The following MAGI3 variants were observed in gnomAD, a reference collection of about 807,000 sequenced individuals.
The protein encoded by MAGI3 is membrane associated guanylate kinase, WW and PDZ domain containing 3, also known as membrane-associated guanylate kinase, WW and PDZ domain-containing protein 3.
A neutral mutation model predicts 121.8 loss-of-function variants in MAGI3; 43 were observed. The ratio of observed to expected loss-of-function variants is 0.35; its 90% CI spans 0.28 to 0.46. The LOEUF (loss-of-function observed/expected upper bound fraction) is 0.46. MAGI3 is among the 20% of genes least tolerant of loss of function. MAGI3 has a pLI of 1.00. For synonymous variants in MAGI3, 553 were observed against 639.3 expected (o/e 0.86, Z 2.04); for missense variants, 1,547 against 1,797.3 (o/e 0.86, Z 2.52).
rs184602234 is a variant in MAGI3 at position 113,482,491 on chromosome 1, C to T, written c.317-67024C>T. ...AGCTGGGACTACAGGTATGCATCAC[C>T]ACACCTGGCTAATTTTTTTATTTTT... On this transcript the variant is annotated intron_variant, in intron 1 of 20. Transcript: ENST00000307546. Among the ~76,000 whole-genome samples, 59 of 152,026 alleles carry T rather than the reference C, an allele frequency of 3.9e-4. No homozygotes were observed. In the East Asian group the frequency reaches 7.6e-3, roughly 19 times the overall value.
intron 9 of MAGI3, among the ~76,000 whole-genome samples, chr1:113,640,225 A>G (rs1421020271): frequency 6.6e-6 from 1 of 152,228 alleles, no homozygotes; most frequent in Admixed American, 6.5e-5. Flanking sequence ...AAAAATCAAG[A>G]AACAATAGAT....
At chr1:113,486,728 T>TA (rs963379678) in intron 1 of MAGI3, among the ~76,000 whole-genome samples, 5 of 147,708 alleles carry the variant, frequency 3.4e-5, no homozygotes, top group Non-Finnish European at 7.4e-5. Flanking sequence ...CATAGCTCAC[T>TA]ATAAACCTGA....
intron 3 of MAGI3, among the ~76,000 whole-genome samples, chr1:113,582,793 A>G (rs1648119428): frequency 6.6e-6 from 1 of 151,902 alleles, no homozygotes; most frequent in South Asian, 2.1e-4. Flanking sequence ...TTAAAGAGAA[A>G]AAAAGGGAGA....
At position 113,641,976 on chromosome 1, in the gene MAGI3, A is replaced by C; in HGVS notation, c.1426A>C (p.Met476Leu). The change falls in exon 10 of 21, where the codon ATG (methionine) becomes CTG (leucine). Residue 476 changes from methionine to leucine, a missense_variant. Met to Leu is a conservative substitution (Grantham distance 15). Coordinates refer to ENST00000307546, the MANE Select transcript of MAGI3 (RefSeq NM_001142782.2). Reference protein sequence around the residue: ...LGHTHADVVQMFQLVPVNQYV... With the variant: ...LGHTHADVVQLFQLVPVNQYV... ...TCACACTCATGCAGATGTTGTCCAG[A>C]TGTTTCAATTGGTACCTGTCAATCA... 6.2e-7 allele frequency: 1 copy of C among 1,613,698 alleles called. No homozygotes were observed. The highest frequency in any genetic ancestry group is 8.5e-7 in the Non-Finnish European group (1 of 1,179,624).
chr1:113,621,498 T>C (rs1210799476), intron 8 of MAGI3, among the ~76,000 whole-genome samples: 1 of 152,086 alleles, frequency 6.6e-6, no homozygotes. Flanking sequence ...ATAAACATAA[T>C]TACCATATAT....
chr1:113,422,426 C>G lies in MAGI3; in HGVS notation c.316+31077C>G, dbSNP rs1299373364. Among the ~76,000 whole-genome samples, 1 of 152,264 alleles carries G rather than the reference C, an allele frequency of 6.6e-6. No individual in the cohort carries two copies. Among genetic ancestry groups the G allele is most frequent in the Non-Finnish European group, 1.5e-5 (1 of 68,046 alleles). On this transcript the variant is annotated intron_variant, in intron 1 of 20. Coordinates refer to ENST00000307546, the MANE Select transcript of MAGI3 (RefSeq NM_001142782.2). The surrounding 1 kb of genome is among the most constrained non-coding windows in gnomAD (Gnocchi z 4.3). ...GCTGGGCTCGTTCTGCCCACTTGGCCTGTCAGGCTGCGTTTGGCTCATGAT... is the reference window on the plus strand; with the variant it reads ...GCTGGGCTCGTTCTGCCCACTTGGCGTGTCAGGCTGCGTTTGGCTCATGAT...
chr1:113,617,817 T>C (rs1486385750), intron 7 of MAGI3, among the ~76,000 whole-genome samples: 2 of 152,222 alleles, frequency 1.3e-5, no homozygotes, highest in East Asian at 3.9e-4. Context: ...CTAGGATTTT[T>C]ATTTTCACAG....
chr1:113,563,233 G>A (rs1343630), intron 2 of MAGI3, among the ~76,000 whole-genome samples: 100,044 of 152,056 alleles, frequency 0.66, 35,729 homozygotes, highest in East Asian at 0.93. Context: ...ATGCAGAAAA[G>A]TTATTTGGCA....
intron 1 of MAGI3, among the ~76,000 whole-genome samples, chr1:113,447,557 A>T (rs962194715): frequency 2.0e-5 from 3 of 151,724 alleles, no homozygotes; most frequent in Admixed American, 1.3e-4. Flanking sequence ...CTGGGAAATT[A>T]AAAAAAAATT....
chr1:113,454,417 G>T (rs764495003), intron 1 of MAGI3, among the ~76,000 whole-genome samples: 1 of 151,900 alleles, frequency 6.6e-6, no homozygotes, highest in African/African-American at 2.4e-5. Context: ...GTGTGACCTC[G>T]GGCAAATTAC....
intron 1 of MAGI3, among the ~76,000 whole-genome samples, chr1:113,516,420 A>G (rs1446437712): frequency 1.3e-5 from 2 of 151,250 alleles, no homozygotes; most frequent in Non-Finnish European, 3.0e-5. Flanking sequence ...AAAAAGACAA[A>G]AATCCCCCAC....
chr1:113,569,738 T>C (rs1660580952), intron 2 of MAGI3, among the ~76,000 whole-genome samples: 1 of 152,188 alleles, frequency 6.6e-6, no homozygotes, highest in African/African-American at 2.4e-5. Context: ...TTAGAATAGA[T>C]GAAATCTTTC....
At chr1:113,538,863 CAG>C (rs1349453292) in intron 1 of MAGI3, among the ~76,000 whole-genome samples, 1 of 152,114 alleles carries the variant, frequency 6.6e-6, no homozygotes, top group Non-Finnish European at 1.5e-5. Flanking sequence ...ATTTTGAAGA[CAG>C]CTGACCAAAG....
intron 6 of MAGI3, among the ~76,000 whole-genome samples, chr1:113,610,100 C>G (rs1650028716): frequency 6.6e-6 from 1 of 152,098 alleles, no homozygotes. Flanking sequence ...TATCTTTATG[C>G]CTAACAGCTT....
intron 3 of MAGI3, among the ~76,000 whole-genome samples, chr1:113,582,402 A>T (rs1286618605): frequency 6.6e-6 from 1 of 152,142 alleles, no homozygotes; most frequent in East Asian, 1.9e-4. Flanking sequence ...TGAATAACAT[A>T]CATTTTAATT....
chr1:113,436,388 G>A (rs183216783), intron 1 of MAGI3, among the ~76,000 whole-genome samples: 1 of 152,148 alleles, frequency 6.6e-6, no homozygotes, highest in East Asian at 1.9e-4. Flanking sequence ...TCTCTAATGG[G>A]CAGTTTGTTT....
Position 113,390,997 on chromosome 1 carries a change from C to T in MAGI3, c.-37C>T, listed in dbSNP as rs780967262. On this transcript the variant is annotated 5_prime_UTR_variant, in exon 1 of 21. Coordinates refer to ENST00000307546, the MANE Select transcript of MAGI3 (RefSeq NM_001142782.2). Reference sequence around the variant, plus strand: ...GGGCCGGAGCGGCGCCCCGGCCGCCCGCGCGGGGTCTCCCCCATGGTGCAG... The same window carrying T: ...GGGCCGGAGCGGCGCCCCGGCCGCCTGCGCGGGGTCTCCCCCATGGTGCAG... The T allele has an allele frequency of 1.3e-6, 2 of 1,498,246 alleles. No individual in the cohort carries two copies. Among genetic ancestry groups the T allele is most frequent in the Admixed American group, 2.4e-5 (1 of 42,216 alleles). 92.8% of individuals were successfully genotyped at this position (1,498,246 alleles called of 1,614,324 possible).
chr1:113,589,511 A>G (rs1476380822), intron 4 of MAGI3, among the ~76,000 whole-genome samples: 1 of 152,020 alleles, frequency 6.6e-6, no homozygotes, highest in Non-Finnish European at 1.5e-5. Context: ...ACAAGGGAAT[A>G]ATTATAGTGG....
At chr1:113,412,541 C>G (rs989314829) in intron 1 of MAGI3, among the ~76,000 whole-genome samples, 3 of 152,080 alleles carry the variant, frequency 2.0e-5, no homozygotes, top group East Asian at 3.9e-4. Flanking sequence ...CCTGTTGTTT[C>G]CTGCCTTTTT....
Sources: gnomAD v4.1 joint callset for allele counts (sites outside exome capture counted in the v4.1 genomes callset) on GRCh38, gnomAD v4.1.1 for gene constraint, Gnocchi (gnomAD v3.1) non-coding constraint, MANE v1.5 for transcripts, NCBI Gene and HGNC (gene_info 2026-07-23, HGNC 2026-07-21) for gene names.